TOX: variants seen among roughly 807,000 people sequenced by gnomAD.
TOX encodes thymocyte selection-associated high mobility group box protein TOX.
TOX carries 11 observed loss-of-function variants against 53.7 expected under a neutral mutation model. The observed-to-expected ratio is 0.20, with a 90% CI of 0.13 to 0.34. TOX has a LOEUF of 0.34. Ranked by LOEUF, TOX falls within the 10% of genes least tolerant of loss-of-function variation. TOX has a pLI of 1.00. For missense variants in TOX, 570 were observed against 664.6 expected (o/e 0.86, Z 1.56); for synonymous variants, 225 against 245.3 (o/e 0.92, Z 0.77).
intron 3 of TOX, among the ~76,000 whole-genome samples, chr8:58,909,681 G>T (rs559798075): frequency 1.2e-3 from 174 of 149,522 alleles, no homozygotes; most frequent in Admixed American, 2.1e-3. Flanking sequence ...TTTTTGAGAG[G>T]AAGTCTCACT....
chr8:58,922,163 CTGA>C (rs1452325931), intron 3 of TOX, among the ~76,000 whole-genome samples: 2 of 138,382 alleles, frequency 1.4e-5, no homozygotes, highest in Non-Finnish European at 3.3e-5. Flanking sequence ...CTTCATGTGG[CTGA>C]TAAGCCAGTA....
chr8:59,095,068 G>A lies in TOX; in HGVS notation c.102+23818C>T, dbSNP rs559436986. Among the ~76,000 whole-genome samples the A allele has an allele frequency of 6.6e-5, 10 of 152,296 alleles. No individual in the cohort carries two copies. In the South Asian group the frequency reaches 1.9e-3, roughly 28 times the overall value. On this transcript the variant is annotated intron_variant, in intron 1 of 8. Transcript: ENST00000361421. ...TCACTGTCTTATATCATCATTTACAGATGTCTTATAAACCCTATTATGTTC... is the reference window on the plus strand; with the variant it reads ...TCACTGTCTTATATCATCATTTACAAATGTCTTATAAACCCTATTATGTTC...
chr8:58,990,437 T>A (rs573206703), intron 1 of TOX, among the ~76,000 whole-genome samples: 39 of 151,198 alleles, frequency 2.6e-4, no homozygotes, highest in East Asian at 1.2e-3. Context: ...TTATTTATTT[T>A]TTATTATTAT....
In TOX at chr8:58,856,024, C is replaced by T. The variant is rs573094584; in HGVS notation, c.412-4219G>A. Among the ~76,000 whole-genome samples, 26 of 152,296 alleles carry T rather than the reference C, an allele frequency of 1.7e-4. No individual in the cohort carries two copies. The East Asian group carries it at 5.0e-3, about 29-fold the overall frequency. On this transcript the variant is annotated intron_variant, in intron 3 of 8. Coordinates refer to ENST00000361421, the MANE Select transcript of TOX (RefSeq NM_014729.3). ...TGAGGGAGCCATGTAGGAATAGCTG[C>T]TTTGCAAAAGCCCACAGAGAGGTTA...
chr8:58,956,856 C>T (rs1812717835), intron 2 of TOX, among the ~76,000 whole-genome samples: 1 of 152,180 alleles, frequency 6.6e-6, no homozygotes, highest in South Asian at 2.1e-4. Context: ...TCAAGTGATT[C>T]TCGGCCTCAG....
intron 1 of TOX, among the ~76,000 whole-genome samples, chr8:59,018,570 G>C (rs984161935): frequency 1.3e-5 from 2 of 152,016 alleles, no homozygotes; most frequent in Non-Finnish European, 2.9e-5. Context: ...CAGGGGTTCC[G>C]AGTCACACGG....
chr8:58,860,150 T>C (rs1810984021), intron 3 of TOX, among the ~76,000 whole-genome samples: 2 of 152,198 alleles, frequency 1.3e-5, no homozygotes, highest in African/African-American at 4.8e-5. Flanking sequence ...CCGTGTGCTA[T>C]TGTGGAGGCA....
intron 3 of TOX, among the ~76,000 whole-genome samples, chr8:58,938,153 A>G (rs1258373660): frequency 6.6e-6 from 1 of 152,130 alleles, no homozygotes; most frequent in Non-Finnish European, 1.5e-5. Flanking sequence ...TCTGGGTTTC[A>G]TTCTCTAAAG....
At chr8:58,869,430 A>T (rs537364505) in intron 3 of TOX, among the ~76,000 whole-genome samples, 1 of 152,144 alleles carries the variant, frequency 6.6e-6, no homozygotes, top group Non-Finnish European at 1.5e-5. Context: ...AAAAATCACT[A>T]GTCCCAGAAA....
chr8:58,890,938 C>A (rs1426913969), intron 3 of TOX, among the ~76,000 whole-genome samples: 1 of 152,040 alleles, frequency 6.6e-6, no homozygotes, highest in Non-Finnish European at 1.5e-5. Context: ...TGTCATAGAG[C>A]CAGAATCACA....
chr8:59,062,568 G>A (rs370509765), intron 1 of TOX, among the ~76,000 whole-genome samples: 3 of 152,214 alleles, frequency 2.0e-5, no homozygotes, highest in Non-Finnish European at 2.9e-5. Context: ...TGGCTCTTTC[G>A]GATGACAATG....
intron 1 of TOX, among the ~76,000 whole-genome samples, chr8:59,050,351 A>G (rs147365418): frequency 2.3e-3 from 349 of 152,280 alleles, no homozygotes; most frequent in African/African-American, 8.2e-3. Context: ...AGCATTTGTG[A>G]AAGTGCTGCA....
chr8:59,115,240 G>A (rs1805081986), intron 1 of TOX, among the ~76,000 whole-genome samples: 2 of 151,964 alleles, frequency 1.3e-5, no homozygotes, highest in East Asian at 3.9e-4. Context: ...CATTAGCCAT[G>A]TCATAACATA....
At chr8:58,972,464 A>C (rs1206074606) in intron 1 of TOX, among the ~76,000 whole-genome samples, 1 of 152,236 alleles carries the variant, frequency 6.6e-6, no homozygotes, top group Non-Finnish European at 1.5e-5. Context: ...GAAAGATATC[A>C]GACAGTTTGA....
At chr8:58,813,183 C>T (rs1295810488) in intron 7 of TOX, among the ~76,000 whole-genome samples, 3 of 152,184 alleles carry the variant, frequency 2.0e-5, no homozygotes, top group Non-Finnish European at 4.4e-5. Context: ...AGACAAATCT[C>T]TTGGATTTTT....
intron 1 of TOX, among the ~76,000 whole-genome samples, chr8:59,001,969 CT>C (rs1182278313): frequency 0.028 from 3,224 of 114,628 alleles, 22 homozygotes; most frequent in Middle Eastern, 0.073. Context: ...TACAGAAGTA[CT>C]TTTTTTTTTT....
At chr8:58,983,705 T>C (rs997639515) in intron 1 of TOX, among the ~76,000 whole-genome samples, 2 of 152,206 alleles carry the variant, frequency 1.3e-5, no homozygotes, top group African/African-American at 4.8e-5. Flanking sequence ...CTCACTCCAG[T>C]GTATGTTTTT....
rs1379253248 is a variant in TOX at position 59,006,684 on chromosome 8, C to A, written c.103-46676G>T. Among the ~76,000 whole-genome samples, 4 of 152,148 alleles carry A rather than the reference C, an allele frequency of 2.6e-5. No individual in the cohort carries two copies. In the East Asian group the frequency reaches 7.7e-4, roughly 29 times the overall value. On this transcript the variant is annotated intron_variant, in intron 1 of 8. Transcript: ENST00000361421. ...GTAATACTGACAGCAATACCAGCAACCTTCTTTAAAGATAATATCTAACTT... is the reference window on the plus strand; with the variant it reads ...GTAATACTGACAGCAATACCAGCAAACTTCTTTAAAGATAATATCTAACTT...
intron 1 of TOX, among the ~76,000 whole-genome samples, chr8:58,964,277 C>T (rs897125007): frequency 6.6e-6 from 1 of 152,142 alleles, no homozygotes; most frequent in Non-Finnish European, 1.5e-5. Flanking sequence ...TCCAAAGAAT[C>T]TTGAGCTGCC....
Sources: allele counts gnomAD v4.1 joint callset (sites outside exome capture counted in the v4.1 genomes callset), GRCh38; gene constraint gnomAD v4.1.1; transcripts MANE v1.5; gene names NCBI Gene and HGNC (gene_info 2026-07-23, HGNC 2026-07-21).